Variants in FHIT observed in about 807,000 individuals in gnomAD.
FHIT encodes bis(5'-adenosyl)-triphosphatase.
Under a neutral mutation model 17.9 loss-of-function variants are expected in FHIT, and 19 were observed. The observed-to-expected ratio is 1.06, with a 90% CI of 0.74 to 1.56. The LOEUF (loss-of-function observed/expected upper bound fraction) is 1.56, where lower values mean the gene tolerates loss of function less well. Ranked by LOEUF, FHIT falls within the 40% of genes most tolerant of loss-of-function variation. The pLI is 0.00. For missense variants in FHIT, 248 were observed against 189.2 expected (o/e 1.31, Z -1.82); for synonymous variants, 81 against 69.7 (o/e 1.16, Z -0.81).
intron 3 of FHIT, among the ~76,000 whole-genome samples, chr3:60,928,325 A>T (rs1412967845): frequency 6.6e-6 from 1 of 151,408 alleles, no homozygotes; most frequent in African/African-American, 2.4e-5. Context: ...AAAATTAAAA[A>T]AAAAAAAAAG....
chr3:60,925,589 C>A (rs189820240), intron 3 of FHIT, among the ~76,000 whole-genome samples: 1 of 152,180 alleles, frequency 6.6e-6, no homozygotes, highest in South Asian at 2.1e-4. Context: ...ACAACTGGTA[C>A]CAGCCACTGC....
chr3:59,758,917 G>A (rs542240415), intron 8 of FHIT, among the ~76,000 whole-genome samples: 2 of 151,946 alleles, frequency 1.3e-5, no homozygotes, highest in African/African-American at 2.4e-5. Flanking sequence ...AGTTTCTACT[G>A]GGCTGAGTTC....
At chr3:60,466,924 T>C (rs1402552421) in intron 5 of FHIT, among the ~76,000 whole-genome samples, 2 of 151,914 alleles carry the variant, frequency 1.3e-5, no homozygotes, top group African/African-American at 2.4e-5. Context: ...TCATCAGTTT[T>C]ATGAAACAGT....
chr3:60,829,806 C>T (rs1378136443), intron 3 of FHIT, among the ~76,000 whole-genome samples: 3 of 152,170 alleles, frequency 2.0e-5, no homozygotes, highest in African/African-American at 7.2e-5. Context: ...CCTTCTTTAG[C>T]ATAAGGATTA....
intron 5 of FHIT, among the ~76,000 whole-genome samples, chr3:60,291,765 G>A (rs1707995732): frequency 6.6e-6 from 1 of 152,060 alleles, no homozygotes; most frequent in Admixed American, 6.6e-5. Flanking sequence ...GTATCTTTAT[G>A]AGAGAAAGGA....
At chr3:61,223,242 A>G (rs1385132896) in intron 1 of FHIT, among the ~76,000 whole-genome samples, 1 of 152,204 alleles carries the variant, frequency 6.6e-6, no homozygotes, top group Non-Finnish European at 1.5e-5. Context: ...GACAGACCAC[A>G]GTTTGCATGA....
intron 8 of FHIT, among the ~76,000 whole-genome samples, chr3:59,809,864 A>C (rs990637539): frequency 1.3e-5 from 2 of 152,078 alleles, no homozygotes; most frequent in Admixed American, 6.5e-5. Flanking sequence ...CTCCTTTTCC[A>C]GGCTGAGAGA....
At chr3:60,981,940 C>T (rs536732179) in intron 3 of FHIT, among the ~76,000 whole-genome samples, 1 of 152,288 alleles carries the variant, frequency 6.6e-6, no homozygotes, top group East Asian at 1.9e-4. Context: ...GTCAATTTTA[C>T]CTACAAAACA....
At chr3:61,033,905 A>C (rs1352141445) in intron 3 of FHIT, among the ~76,000 whole-genome samples, 4 of 152,204 alleles carry the variant, frequency 2.6e-5, no homozygotes, top group African/African-American at 7.2e-5. Context: ...CTGCCTACCA[A>C]CATTCTTTCT....
At chr3:60,215,476 T>G (rs1300516436) in intron 5 of FHIT, among the ~76,000 whole-genome samples, 1 of 151,930 alleles carries the variant, frequency 6.6e-6, no homozygotes, top group Non-Finnish European at 1.5e-5. Flanking sequence ...GGCAGGAGAA[T>G]CACTTGAACC....
intron 5 of FHIT, among the ~76,000 whole-genome samples, chr3:60,066,910 C>T (rs1384657397): frequency 6.6e-6 from 1 of 152,012 alleles, no homozygotes; most frequent in Non-Finnish European, 1.5e-5. Flanking sequence ...TCCCAAAGTG[C>T]TGGGATTACA....
intron 5 of FHIT, among the ~76,000 whole-genome samples, chr3:60,119,385 A>G (rs925915457): frequency 1.2e-5 from 1 of 84,722 alleles, no homozygotes; most frequent in African/African-American, 3.4e-5. Context: ...TATTTCTTTA[A>G]TTTTAAGATG....
chr3:60,423,228 G>A (rs1189021637), intron 5 of FHIT, among the ~76,000 whole-genome samples: 1 of 152,098 alleles, frequency 6.6e-6, no homozygotes, highest in Non-Finnish European at 1.5e-5. Flanking sequence ...GTAGAGTAGA[G>A]AGACAAAGAG....
intron 5 of FHIT, among the ~76,000 whole-genome samples, chr3:60,362,025 C>G (rs1348280455): frequency 1.3e-5 from 2 of 151,958 alleles, no homozygotes; most frequent in Non-Finnish European, 2.9e-5. Flanking sequence ...CACACATCTT[C>G]TGCCATGGGT....
chr3:60,551,270 A>G (rs776254345), intron 4 of FHIT, among the ~76,000 whole-genome samples: 3 of 150,800 alleles, frequency 2.0e-5, no homozygotes, highest in Non-Finnish European at 2.9e-5. Context: ...ACAAAGATTC[A>G]AGCTCCAGAG....
chr3:61,167,027 A>C (rs1194290744), intron 2 of FHIT: 1 of 152,222 alleles, frequency 6.6e-6, no homozygotes, highest in Non-Finnish European at 1.5e-5. Flanking sequence ...GGGTGGTCCA[A>C]GGTCCACTTC....
At chr3:60,625,521 GTA>G (rs139229511) in intron 4 of FHIT, among the ~76,000 whole-genome samples, 1,900 of 152,258 alleles carry the variant, frequency 0.012, 36 homozygotes, top group African/African-American at 0.042. Flanking sequence ...GTGATGCTGA[GTA>G]TCTTTTTATG....
chr3:60,338,061 C>A (rs1002224782), intron 5 of FHIT, among the ~76,000 whole-genome samples: 1 of 151,978 alleles, frequency 6.6e-6, no homozygotes, highest in Non-Finnish European at 1.5e-5. Flanking sequence ...ATGTAGAGAC[C>A]TTGAGAGAAG....
chr3:60,916,539 G>T (rs13075102), intron 3 of FHIT, among the ~76,000 whole-genome samples: 23,855 of 152,032 alleles, frequency 0.16, 2,474 homozygotes, highest in Middle Eastern at 0.25. Context: ...AAGATTCAAG[G>T]CCATTTCATT....
Sources: allele counts gnomAD v4.1 joint callset (sites outside exome capture counted in the v4.1 genomes callset), GRCh38; gene constraint gnomAD v4.1.1; transcripts MANE v1.5; gene names NCBI Gene and HGNC (gene_info 2026-07-23, HGNC 2026-07-21).